GABRB2: variants seen among roughly 807,000 people sequenced by gnomAD.
GABRB2 encodes the protein gamma-aminobutyric acid type A receptor subunit beta2.
Under a neutral mutation model 54.7 loss-of-function variants are expected in GABRB2, and 16 were observed. The ratio of observed to expected loss-of-function variants is 0.29; its 90% confidence interval spans 0.20 to 0.44. The LOEUF (loss-of-function observed/expected upper bound fraction) is 0.44, where lower values mean the gene tolerates loss of function less well. Ranked by LOEUF, GABRB2 falls within the 20% of genes least tolerant of loss-of-function variation. The probability of loss-of-function intolerance (pLI) is 1.00; values close to 1 mark genes in which losing one functional copy is unlikely to be tolerated. For synonymous variants in GABRB2, 244 were observed against 233.8 expected, an observed-to-expected ratio of 1.04 and a Z score of -0.40; for missense variants, 355 against 644.0, an observed-to-expected ratio of 0.55 and a Z score of 4.86.
Position 161,477,955 on chromosome 5 carries a change from G to A in GABRB2, c.238-18111C>T, listed in dbSNP as rs372209531. 3.3e-5 allele frequency among the ~76,000 whole-genome samples: 5 copies of A among 151,942 alleles called. No homozygotes were observed. In the East Asian group the frequency reaches 7.7e-4, roughly 24 times the overall value. On this transcript the variant is annotated intron_variant, in intron 3 of 9. Transcript: ENST00000393959. ...TTTAAAAAGTATATTAGGGACATTC[G>A]TTAATTACAGCTTTGTGTATAGTAA...
intron 3 of GABRB2, among the ~76,000 whole-genome samples, chr5:161,538,786 T>C (rs984883672): frequency 3.3e-5 from 5 of 151,612 alleles, no homozygotes; most frequent in Non-Finnish European, 7.4e-5. Flanking sequence ...ATTGTGCCAC[T>C]GCACTGCCCA....
intron 5 of GABRB2, among the ~76,000 whole-genome samples, chr5:161,353,753 T>C (rs1322822614): frequency 1.3e-5 from 2 of 152,074 alleles, no homozygotes; most frequent in Non-Finnish European, 2.9e-5. Flanking sequence ...TTTTTATTAG[T>C]AGTTTTCTAT....
intron 3 of GABRB2, among the ~76,000 whole-genome samples, chr5:161,487,672 C>G (rs1458694930): frequency 2.6e-5 from 4 of 151,870 alleles, no homozygotes; most frequent in African/African-American, 7.2e-5. Context: ...TCAGTTTTCT[C>G]ATCTGTAAAA....
chr5:161,437,059 G>C (rs554650706), intron 4 of GABRB2, among the ~76,000 whole-genome samples: 1 of 152,148 alleles, frequency 6.6e-6, no homozygotes, highest in Admixed American at 6.5e-5. Flanking sequence ...AGGCAGTCTA[G>C]GCCATAAGGA....
chr5:161,457,433 T>C (rs925490662), intron 4 of GABRB2, among the ~76,000 whole-genome samples: 1 of 151,956 alleles, frequency 6.6e-6, no homozygotes, highest in African/African-American at 2.4e-5. Flanking sequence ...GATTTACCCC[T>C]TTTCCCTCTC....
At chr5:161,487,778 A>T (rs2113344607) in intron 3 of GABRB2, among the ~76,000 whole-genome samples, 1 of 152,062 alleles carries the variant, frequency 6.6e-6, no homozygotes, top group East Asian at 1.9e-4. Flanking sequence ...TATAGTAAAC[A>T]CTGGATAAAT....
intron 3 of GABRB2, among the ~76,000 whole-genome samples, chr5:161,499,781 G>A (rs1339996141): frequency 6.6e-6 from 1 of 152,128 alleles, no homozygotes; most frequent in Non-Finnish European, 1.5e-5. Context: ...GATGCATAAG[G>A]CAGTGGTGGC....
chr5:161,322,178 CATAAT>C (rs1758229865), intron 9 of GABRB2, among the ~76,000 whole-genome samples: 1 of 152,044 alleles, frequency 6.6e-6, no homozygotes, highest in South Asian at 2.1e-4. Context: ...TAAAAACTGA[CATAAT>C]ATATGTAAAT....
At chr5:161,397,568 A>G in intron 5 of GABRB2, among the ~76,000 whole-genome samples, 1 of 152,200 alleles carries the variant, frequency 6.6e-6, no homozygotes, top group South Asian at 2.1e-4. Context: ...AGTCCTGTTT[A>G]TCAGAAACAA....
At chr5:161,475,209 G>A (rs1372214086) in intron 3 of GABRB2, among the ~76,000 whole-genome samples, 1 of 151,942 alleles carries the variant, frequency 6.6e-6, no homozygotes, top group East Asian at 1.9e-4. Flanking sequence ...CATGTCCCAA[G>A]ATATAGAATT....
intron 3 of GABRB2, among the ~76,000 whole-genome samples, chr5:161,521,894 T>A (rs4921192): frequency 6.6e-6 from 1 of 151,888 alleles, no homozygotes; most frequent in Non-Finnish European, 1.5e-5. Flanking sequence ...TGAATCTTTG[T>A]ATTTTATTTT....
intron 3 of GABRB2, among the ~76,000 whole-genome samples, chr5:161,505,329 C>T (rs1462824331): frequency 6.6e-6 from 1 of 151,962 alleles, no homozygotes; most frequent in Non-Finnish European, 1.5e-5. Flanking sequence ...CAGGGTTTCA[C>T]CATGTTTGCC....
intron 5 of GABRB2, among the ~76,000 whole-genome samples, chr5:161,388,334 T>C (rs1349582114): frequency 6.6e-6 from 1 of 152,108 alleles, no homozygotes; most frequent in African/African-American, 2.4e-5. Flanking sequence ...TAAAAATTAA[T>C]CTGTTAGTAT....
At chr5:161,339,343 A>G (rs1387401668) in intron 5 of GABRB2, among the ~76,000 whole-genome samples, 3 of 152,118 alleles carry the variant, frequency 2.0e-5, no homozygotes, top group Non-Finnish European at 4.4e-5. Flanking sequence ...AGTTGGTGGT[A>G]TATACTAAGC....
intron 4 of GABRB2, among the ~76,000 whole-genome samples, chr5:161,420,972 T>G (rs1041289455): frequency 1.3e-5 from 2 of 152,170 alleles, no homozygotes; most frequent in Non-Finnish European, 2.9e-5. Context: ...TTCTATCATT[T>G]TGATGTCAGC....
intron 9 of GABRB2, among the ~76,000 whole-genome samples, chr5:161,300,678 T>G (rs1757510493): frequency 6.6e-6 from 1 of 152,210 alleles, no homozygotes; most frequent in African/African-American, 2.4e-5. Flanking sequence ...AAAACAGGTC[T>G]GGTCTCCACT....
intron 5 of GABRB2, among the ~76,000 whole-genome samples, chr5:161,372,483 T>G (rs980883516): frequency 1.3e-5 from 2 of 152,186 alleles, no homozygotes; most frequent in African/African-American, 4.8e-5. Context: ...TTCTAAAATG[T>G]GGCTGTAAGT....
chr5:161,479,400 A>G (rs921791658), intron 3 of GABRB2, among the ~76,000 whole-genome samples: 1 of 151,432 alleles, frequency 6.6e-6, no homozygotes, highest in Non-Finnish European at 1.5e-5. Flanking sequence ...ACATTGTGCA[A>G]CCTAATCAGC....
chr5:161,429,465 A>G (rs2113170634), intron 4 of GABRB2, among the ~76,000 whole-genome samples: 1 of 152,188 alleles, frequency 6.6e-6, no homozygotes, highest in South Asian at 2.1e-4. Flanking sequence ...GATGAAAGAT[A>G]TACCAGATTT....
Sources: allele counts gnomAD v4.1 joint callset (sites outside exome capture counted in the v4.1 genomes callset), GRCh38; gene constraint gnomAD v4.1.1; transcripts MANE v1.5; gene names NCBI Gene and HGNC (gene_info 2026-07-23, HGNC 2026-07-21).